CDH8: variants seen among roughly 807,000 people sequenced by gnomAD.
The protein encoded by CDH8 is cadherin-8.
CDH8 carries 17 observed loss-of-function variants against 68.1 expected under a neutral mutation model. That is an observed-to-expected ratio of 0.25 (90% confidence interval 0.17 to 0.37). The LOEUF (loss-of-function observed/expected upper bound fraction) is 0.37. Among genes scored for constraint, CDH8 ranks in the 10% least tolerant of loss-of-function variants. The pLI is 1.00. For missense variants in CDH8, 763 were observed against 999.3 expected (o/e 0.76, Z 3.19); for synonymous variants, 372 against 365.1 (o/e 1.02, Z -0.21).
intron 7 of CDH8, among the ~76,000 whole-genome samples, chr16:61,800,758 T>C (rs1961605397): frequency 1.3e-5 from 2 of 152,226 alleles, no homozygotes; most frequent in African/African-American, 2.4e-5. Flanking sequence ...ATTTCCACCG[T>C]GCTCTCTTCT....
chr16:61,700,464 AGAG>A (rs1356355839), intron 10 of CDH8, among the ~76,000 whole-genome samples: 19 of 151,898 alleles, frequency 1.3e-4, no homozygotes, highest in Non-Finnish European at 2.6e-4. Context: ...TATTTTTAGT[AGAG>A]ACAGGGTTTC....
In CDH8 at chr16:61,871,749, C is replaced by T. The variant is rs1453362973; in HGVS notation, c.548-14511G>A. ...AATCAACAGATGTGGGGTCTGTGGC[C>T]AGAAGCTAGTTCTGACTAACAGTAA... On this transcript the variant is annotated intron_variant, in intron 3 of 11. Transcript: ENST00000577390. 1.6e-5 allele frequency among the ~76,000 whole-genome samples: 2 copies of T among 128,642 alleles called. 1 individual carries two copies. The highest frequency in any genetic ancestry group is 5.1e-4 in the South Asian group (2 of 3,942). The allele number at this position is 128,642 out of a possible 152,430, so 84.4% of individuals were successfully genotyped here.
At chr16:61,734,220 G>A (rs546511391) in intron 8 of CDH8, among the ~76,000 whole-genome samples, 1 of 152,236 alleles carries the variant, frequency 6.6e-6, no homozygotes, top group South Asian at 2.1e-4. Flanking sequence ...AACTAGGTTG[G>A]AGGGTTTAAA....
chr16:61,773,463 A>G (rs1318238507), intron 8 of CDH8, among the ~76,000 whole-genome samples: 1 of 152,138 alleles, frequency 6.6e-6, no homozygotes, highest in East Asian at 1.9e-4. Flanking sequence ...TCCTATCTGT[A>G]CTGGTATTTG....
intron 7 of CDH8, among the ~76,000 whole-genome samples, chr16:61,810,438 C>G (rs56307987): frequency 1.3e-5 from 2 of 151,308 alleles, no homozygotes; most frequent in East Asian, 1.9e-4. Context: ...AAAGAAGGAG[C>G]CTTTTTCTAT....
At position 61,652,622 on chromosome 16, in the gene CDH8, C is replaced by T. The variant is rs905306491; in HGVS notation, c.*986G>A. The T allele has an allele frequency of 8.5e-6, 9 of 1,059,078 alleles. No individual in the cohort carries two copies. The African/African-American group carries it at 1.5e-4, about 17-fold the overall frequency. The allele number at this position is 1,059,078 out of a possible 1,614,324, so 65.6% of individuals were successfully genotyped here. A position where few individuals can be genotyped will look rare whatever the true frequency, so the allele number is the denominator to read the frequency against. On this transcript the variant is annotated 3_prime_UTR_variant, in exon 12 of 12. Coordinates refer to ENST00000577390, the MANE Select transcript of CDH8 (RefSeq NM_001796.5). ...CTCATCAAAATGTACATGTATTAAA[C>T]ATTCATTGTATATATATTTATATAA...
chr16:61,790,069 T>A (rs1166679518), intron 7 of CDH8, among the ~76,000 whole-genome samples: 1 of 152,092 alleles, frequency 6.6e-6, no homozygotes, highest in African/African-American at 2.4e-5. Context: ...TTTATGGTTG[T>A]TTTTAAAAAG....
At chr16:62,026,710 C>T (rs1481365806) in intron 1 of CDH8, among the ~76,000 whole-genome samples, 1 of 152,202 alleles carries the variant, frequency 6.6e-6, no homozygotes, top group Non-Finnish European at 1.5e-5. Context: ...TTCACAGGCA[C>T]ATGCATGCTA....
chr16:61,807,652 C>T (rs1961827504), intron 7 of CDH8, among the ~76,000 whole-genome samples: 1 of 152,092 alleles, frequency 6.6e-6, no homozygotes, highest in South Asian at 2.1e-4. Flanking sequence ...AGGAGACAGC[C>T]TCCAGCTATC....
rs1265584406 is a variant in CDH8, at chr16:61,813,730, G to T, written c.1277+3749C>A. Among the ~76,000 whole-genome samples the T allele has an allele frequency of 2.6e-5, 4 of 151,596 alleles. No homozygotes were observed. The East Asian group carries it at 7.8e-4, about 30-fold the overall frequency. ...TCCTGTCCTACTCACCTTTTAATGT[G>T]TCTGCGTACCTAAATTTTCCTTGTT... On this transcript the variant is annotated intron_variant, in intron 7 of 11. Transcript: ENST00000577390.
At position 61,739,884 on chromosome 16, in the gene CDH8, C is replaced by CAT. The variant is rs35095367; in HGVS notation, c.1415-12671_1415-12670dup. Among the ~76,000 whole-genome samples, 735 of 101,428 alleles carry CAT rather than the reference C, an allele frequency of 7.2e-3. 11 individuals are homozygous for CAT. The highest frequency in any genetic ancestry group is 0.021 in the East Asian group (53 of 2,496). The allele number at this position is 101,428 out of a possible 152,430, so 66.5% of individuals were successfully genotyped here. A position where few individuals can be genotyped will look rare whatever the true frequency, so the allele number is the denominator to read the frequency against. ...AATATAGCATTTGTACAACATATTC[C>CAT]ATATATATATATATATATATATATA... On this transcript the variant is annotated intron_variant, in intron 8 of 11. Coordinates refer to ENST00000577390, the MANE Select transcript of CDH8 (RefSeq NM_001796.5).
intron 1 of CDH8, among the ~76,000 whole-genome samples, chr16:62,028,397 A>G (rs968999762): frequency 1.3e-5 from 2 of 151,916 alleles, no homozygotes; most frequent in African/African-American, 4.8e-5. Flanking sequence ...TGTTACTGCC[A>G]TGTTACTCCT....
intron 7 of CDH8, among the ~76,000 whole-genome samples, chr16:61,800,925 C>T (rs937477335): frequency 2.0e-5 from 3 of 152,080 alleles, no homozygotes; most frequent in African/African-American, 7.2e-5. Flanking sequence ...AATATTTGAA[C>T]ATCAGATAAG....
chr16:61,784,191 C>A (rs1231427584), intron 8 of CDH8, among the ~76,000 whole-genome samples: 2 of 151,884 alleles, frequency 1.3e-5, no homozygotes, highest in Non-Finnish European at 1.5e-5. Context: ...TCAGGAAACC[C>A]ATCTCACGTG....
At chr16:61,686,724 G>A (rs912161547) in intron 10 of CDH8, among the ~76,000 whole-genome samples, 3 of 152,056 alleles carry the variant, frequency 2.0e-5, no homozygotes, top group African/African-American at 7.2e-5. Context: ...TTTTTAATTG[G>A]AAGTCTTGCA....
intron 4 of CDH8, among the ~76,000 whole-genome samples, chr16:61,856,681 G>T (rs1963053662): frequency 6.6e-6 from 1 of 152,108 alleles, no homozygotes; most frequent in Non-Finnish European, 1.5e-5. Flanking sequence ...GACGTGCACT[G>T]TGTGTTTGGT....
At chr16:61,674,720 T>G (rs1408275340) in intron 10 of CDH8, among the ~76,000 whole-genome samples, 2 of 152,098 alleles carry the variant, frequency 1.3e-5, no homozygotes, top group African/African-American at 4.8e-5. Flanking sequence ...GGAACTGTTG[T>G]ATGTACATCC....
In CDH8 at chr16:61,947,879, G is replaced by C. The variant is rs565659018; in HGVS notation, c.253-46406C>G. 4.9e-4 allele frequency among the ~76,000 whole-genome samples: 74 copies of C among 152,230 alleles called. No individual in the cohort carries two copies. In the South Asian group the frequency reaches 0.015, roughly 31 times the overall value. ...GCTCGAGAAAATGAAAATAACCCAA[G>C]GGCATGCTCAGCTGATGGAATTTTT... On this transcript the variant is annotated intron_variant, in intron 2 of 11. Coordinates refer to ENST00000577390, the MANE Select transcript of CDH8 (RefSeq NM_001796.5).
At chr16:61,842,343 T>G (rs1000549072) in intron 4 of CDH8, among the ~76,000 whole-genome samples, 10 of 152,046 alleles carry the variant, frequency 6.6e-5, no homozygotes, top group Non-Finnish European at 1.3e-4. Context: ...AAAGAATAAA[T>G]GCCATTATCA....
Sources: allele counts gnomAD v4.1 joint callset (sites outside exome capture counted in the v4.1 genomes callset), GRCh38; gene constraint gnomAD v4.1.1; transcripts MANE v1.5; gene names NCBI Gene and HGNC (gene_info 2026-07-23, HGNC 2026-07-21).